USP13: variants seen among roughly 807,000 people sequenced by gnomAD.
USP13 encodes ubiquitin specific peptidase 13.
A neutral mutation model predicts 107.8 loss-of-function variants in USP13; 68 were observed. That is an observed-to-expected ratio of 0.63 (90% confidence interval 0.52 to 0.77). The LOEUF (loss-of-function observed/expected upper bound fraction) is 0.77. Ranked by LOEUF, USP13 falls within the 30% of genes least tolerant of loss-of-function variation. The pLI is 0.00. For missense variants in USP13, 945 were observed against 1,093.3 expected, an observed-to-expected ratio of 0.86 and a Z score of 1.91; for synonymous variants, 377 against 389.5, an observed-to-expected ratio of 0.97 and a Z score of 0.38.
chr3:179,745,720 C>A (rs1714382798), intron 13 of USP13, among the ~76,000 whole-genome samples: 1 of 152,176 alleles, frequency 6.6e-6, no homozygotes, highest in African/African-American at 2.4e-5. Flanking sequence ...TATATTTTAA[C>A]TCCATAATTA....
chr3:179,675,536 TTTATTATTA>T (rs57851865), intron 1 of USP13, among the ~76,000 whole-genome samples: 9 of 146,358 alleles, frequency 6.1e-5, no homozygotes, highest in African/African-American at 2.0e-4. Flanking sequence ...TGTAACCTAT[TTTATTATTA>T]TTATTATTAT....
intron 19 of USP13, among the ~76,000 whole-genome samples, chr3:179,772,246 C>A (rs1374912336): frequency 3.3e-5 from 5 of 152,256 alleles, no homozygotes; most frequent in African/African-American, 1.2e-4. Context: ...GGCCGTCACT[C>A]TGACCTATCG....
At chr3:179,774,685 C>A (rs2108549061) in intron 19 of USP13, among the ~76,000 whole-genome samples, 1 of 152,284 alleles carries the variant, frequency 6.6e-6, no homozygotes, top group South Asian at 2.1e-4. Flanking sequence ...AGCAAAAGAA[C>A]AAACCTTCCA....
At chr3:179,734,964 C>T (rs961981871) in intron 10 of USP13, among the ~76,000 whole-genome samples, 10 of 152,298 alleles carry the variant, frequency 6.6e-5, no homozygotes, top group South Asian at 6.2e-4. Context: ...CTGTGTGGTG[C>T]ACTCTGTTAA....
chr3:179,787,852 C>A lies in USP13; in HGVS notation c.*3711C>A, dbSNP rs1715957731. 6.6e-6 allele frequency: 1 copy of A among 152,230 alleles called. No individual in the cohort carries two copies. Among genetic ancestry groups the A allele is most frequent in the Non-Finnish European group, 1.5e-5 (1 of 68,074 alleles). 9.4% of individuals were successfully genotyped at this position (152,230 alleles called of 1,614,324 possible). A position where few individuals can be genotyped will look rare whatever the true frequency, so the allele number is the denominator to read the frequency against. On this transcript the variant is annotated 3_prime_UTR_variant, in exon 21 of 21. Transcript: ENST00000263966. ...CTTGACCTCAACCTGCCTCAGCCTCCCAAAGTGCTGGGATTACACGCATGA... is the reference window on the plus strand; with the variant it reads ...CTTGACCTCAACCTGCCTCAGCCTCACAAAGTGCTGGGATTACACGCATGA...
At chr3:179,691,512 G>T (rs1001144251) in intron 3 of USP13, among the ~76,000 whole-genome samples, 22 of 152,208 alleles carry the variant, frequency 1.4e-4, no homozygotes, top group African/African-American at 5.3e-4. Flanking sequence ...TACAGAGATA[G>T]TGTGCCCTTC....
chr3:179,744,997 C>G, intron 12 of USP13, 46 bp from the exon 13 acceptor site: 1 of 1,602,128 alleles, frequency 6.2e-7, no homozygotes, highest in Non-Finnish European at 8.5e-7. Context: ...TTCATTTCCA[C>G]AGGGTAAGAG....
In USP13 at chr3:179,749,224, A is replaced by C. The variant is rs115981762; in HGVS notation, c.1710-3061A>C. 2.4e-3 allele frequency among the ~76,000 whole-genome samples: 368 copies of C among 152,344 alleles called. 7 individuals are homozygous for C. The highest frequency in any genetic ancestry group is 8.6e-3 in the African/African-American group (359 of 41,580). On this transcript the variant is annotated intron_variant, in intron 13 of 20. Transcript: ENST00000263966. The stretch of plus-strand genomic sequence containing the variant: ...TTGCCTTAATTGTGATTTAGTGAAC[A>C]ATCAATATATTTTAAATAATGCTAA...
intron 11 of USP13, among the ~76,000 whole-genome samples, chr3:179,740,765 A>C (rs1714164107): frequency 6.6e-6 from 1 of 151,768 alleles, no homozygotes; most frequent in South Asian, 2.1e-4. Context: ...AATGCCATTA[A>C]AAACTTTTTT....
At chr3:179,735,031 T>C (rs1043253271) in intron 10 of USP13, among the ~76,000 whole-genome samples, 2 of 152,246 alleles carry the variant, frequency 1.3e-5, no homozygotes, top group African/African-American at 2.4e-5. Flanking sequence ...GGCCTCCCTC[T>C]AATTTTAGCT....
At chr3:179,688,537 A>G (rs1195710123) in intron 2 of USP13, among the ~76,000 whole-genome samples, 1 of 152,066 alleles carries the variant, frequency 6.6e-6, no homozygotes, top group Non-Finnish European at 1.5e-5. Flanking sequence ...GAGGAGTTTT[A>G]TTTTCTCAAA....
At chr3:179,706,202 T>G (rs1452166176) in intron 4 of USP13, among the ~76,000 whole-genome samples, 1 of 152,214 alleles carries the variant, frequency 6.6e-6, no homozygotes, top group East Asian at 1.9e-4. Context: ...CTGTACCAGT[T>G]TACTTTGCAA....
At chr3:179,674,807 T>A (rs1183645538) in intron 1 of USP13, among the ~76,000 whole-genome samples, 2 of 152,220 alleles carry the variant, frequency 1.3e-5, no homozygotes. Context: ...GGCATGTACC[T>A]GTGCCTTGAG....
At chr3:179,704,521 C>T (rs1712645658) in intron 4 of USP13, among the ~76,000 whole-genome samples, 1 of 152,132 alleles carries the variant, frequency 6.6e-6, no homozygotes, top group Non-Finnish European at 1.5e-5. Context: ...TCCTATCCTT[C>T]TTCAGCTTAA....
chr3:179,719,185 G>A (rs537928049), intron 6 of USP13, among the ~76,000 whole-genome samples: 23 of 152,236 alleles, frequency 1.5e-4, no homozygotes, highest in Non-Finnish European at 2.8e-4. Flanking sequence ...CAACACTAGC[G>A]TCTCTCAAAT....
At chr3:179,732,636 G>T (rs1265708953) in intron 10 of USP13, among the ~76,000 whole-genome samples, 2 of 151,630 alleles carry the variant, frequency 1.3e-5, no homozygotes, top group Non-Finnish European at 2.9e-5. Flanking sequence ...GACCGTTTCT[G>T]TGCTCTTGGG....
In USP13 at chr3:179,786,279, A is replaced by G. The variant is rs908721488; in HGVS notation, c.*2138A>G. On this transcript the variant is annotated 3_prime_UTR_variant, in exon 21 of 21. Transcript: ENST00000263966. ...AAAATGGCTTGTTTTCAGCGATGTT[A>G]TAAAACAAAGGCCTGTTTTTTGGAA... 4.6e-5 allele frequency: 7 copies of G among 152,234 alleles called. No individual in the cohort carries two copies. Among genetic ancestry groups the G allele is most frequent in the Non-Finnish European group, 1.0e-4 (7 of 68,036 alleles). 9.4% of individuals were successfully genotyped at this position (152,234 alleles called of 1,614,324 possible).
chr3:179,682,075 G>T, intron 2 of USP13, 72 bp downstream of exon 2: 2 of 1,509,464 alleles, frequency 1.3e-6, no homozygotes, highest in Non-Finnish European at 1.8e-6. Flanking sequence ...GCTTTCTCAC[G>T]TGGAAATTTG....
chr3:179,655,559 T>TG (rs1377506550), intron 1 of USP13, among the ~76,000 whole-genome samples: 1 of 132,838 alleles, frequency 7.5e-6, no homozygotes, highest in African/African-American at 2.9e-5. Context: ...TTTTTTTTGT[T>TG]TTGTTTTGTT....
Sources: allele counts gnomAD v4.1 joint callset (sites outside exome capture counted in the v4.1 genomes callset), GRCh38; gene constraint gnomAD v4.1.1; transcripts MANE v1.5; gene names NCBI Gene and HGNC (gene_info 2026-07-23, HGNC 2026-07-21).